Variants in EIF3B observed in about 807,000 individuals in gnomAD.
The protein encoded by EIF3B is eukaryotic translation initiation factor 3 subunit 9.
Under a neutral mutation model 104.6 loss-of-function variants are expected in EIF3B, and 10 were observed. The ratio of observed to expected loss-of-function variants is 0.10; its 90% CI spans 0.06 to 0.16. The LOEUF (loss-of-function observed/expected upper bound fraction) is 0.16. EIF3B is among the 10% of genes least tolerant of loss of function. The pLI is 1.00. For synonymous variants in EIF3B, 542 were observed against 417.2 expected, an observed-to-expected ratio of 1.30 and a Z score of -3.65; for missense variants, 1,014 against 1,087.9, an observed-to-expected ratio of 0.93 and a Z score of 0.96.
intron 15 of EIF3B, 138 bp downstream of exon 15, chr7:2,377,213 C>A: frequency 8.4e-7 from 1 of 1,194,996 alleles, no homozygotes; most frequent in Non-Finnish European, 1.1e-6. Flanking sequence ...TTTGAAGAGA[C>A]GCAGGAACAG....
At chr7:2,363,349 C>T (rs1424740636) in intron 4 of EIF3B, among the ~76,000 whole-genome samples, 4 of 151,842 alleles carry the variant, frequency 2.6e-5, no homozygotes, top group Non-Finnish European at 5.9e-5. Context: ...TTCCCAGCTA[C>T]CTGGGAGGCT....
intron 1 of EIF3B, among the ~76,000 whole-genome samples, chr7:2,356,194 A>T (rs951928151): frequency 1.3e-5 from 2 of 152,166 alleles, no homozygotes; most frequent in African/African-American, 2.4e-5. Flanking sequence ...GCCTCTGCAG[A>T]TTGGCTAAGT....
In EIF3B at chr7:2,371,770, T is replaced by A. The variant is rs776052780; in HGVS notation, c.1615-7T>A. ...AATGTCACCCCTTCCCCCTTTTTTTTAAACAGGGTGTTGTCACAAATTTTG... is the reference window on the plus strand; with the variant it reads ...AATGTCACCCCTTCCCCCTTTTTTTAAAACAGGGTGTTGTCACAAATTTTG... On this transcript the variant is annotated splice_region_variant and splice_polypyrimidine_tract_variant and intron_variant, in intron 10 of 18. Transcript: ENST00000360876. 2.5e-6 allele frequency: 4 copies of A among 1,608,940 alleles called. No individual in the cohort carries two copies. The highest frequency in any genetic ancestry group is 3.4e-6 in the Non-Finnish European group (4 of 1,175,354).
intron 13 of EIF3B, 109 bp from the exon 14 acceptor site, chr7:2,375,280 A>T: frequency 7.0e-7 from 1 of 1,426,300 alleles, no homozygotes; most frequent in Non-Finnish European, 9.8e-7. Flanking sequence ...TTTCCATGTT[A>T]ACGCCGAGGC....
chr7:2,365,651 T>TTTTG (rs200381047), intron 6 of EIF3B, among the ~76,000 whole-genome samples: 8 of 102,798 alleles, frequency 7.8e-5, no homozygotes, highest in South Asian at 2.6e-4. Flanking sequence ...GGACTTGTTT[T>TTTTG]TTTGTTTGTT....
Position 2,354,932 on chromosome 7 carries a change from C to T in EIF3B, c.11C>T (p.Ala4Val), listed in dbSNP as rs757942602. The change falls in exon 1 of 19, where the codon GCG becomes GTG. Residue 4 changes from alanine (A) to valine (V), a missense_variant. Physicochemically the swap from Ala to Val is moderately conservative, Grantham distance 64. Around this residue, in one of 4 missense-constraint regions of EIF3B, gnomAD observed 488 missense variants for 404.3 expected, o/e 1.21. Transcript: ENST00000360876. MQD[A>V]ENVAVPEAAE... ...GGCAGCGTTGGGCCCATGCAGGACG[C>T]GGAGAACGTGGCGGTGCCCGAGGCG... is the stretch of plus-strand genomic sequence containing the variant. The T allele has an allele frequency of 3.4e-5, 42 of 1,228,762 alleles. No homozygotes were observed. Among genetic ancestry groups the T allele is most frequent in the Non-Finnish European group, 4.2e-5 (41 of 977,670 alleles). 76.1% of individuals were successfully genotyped at this position (1,228,762 alleles called of 1,614,324 possible).
intron 15 of EIF3B, chr7:2,378,458 TG>T: frequency 4.6e-6 from 1 of 215,758 alleles, no homozygotes; most frequent in Non-Finnish European, 8.8e-6. Flanking sequence ...GAAGCTGTGT[TG>T]TGTGAATGAC....
rs1034836301 is a variant in EIF3B at position 2,355,380 on chromosome 7, C to T, written c.459C>T (p.Phe153=). 3.3e-6 allele frequency: 5 copies of T among 1,529,964 alleles called. No homozygotes were observed. The highest frequency in any genetic ancestry group is 1.7e-6 in the Non-Finnish European group (2 of 1,144,208). 94.8% of individuals were successfully genotyped at this position (1,529,964 alleles called of 1,614,324 possible). A position where few individuals can be genotyped will look rare whatever the true frequency, so the allele number is the denominator to read the frequency against. Residue 153 remains phenylalanine, a synonymous_variant, in exon 1 of 19, where the codon TTC becomes TTT. Coordinates refer to ENST00000360876, the MANE Select transcript of EIF3B (RefSeq NM_001037283.2). The part of the protein sequence containing the change: ...LENGDADEPS[F]SDPEDFVDDV... ...ACGGCGACGCGGACGAGCCCTCCTT[C>T]AGCGACCCCGAGGACTTCGTGGACG...
Position 2,355,156 on chromosome 7 carries a change from G to T in EIF3B, c.235G>T (p.Gly79Cys). The change falls in exon 1 of 19, where the codon GGC becomes TGC. Residue 79 changes from glycine (G) to cysteine (C), a missense_variant. By Grantham distance (159) the Gly-to-Cys change is radical. Coordinates refer to ENST00000360876, the MANE Select transcript of EIF3B (RefSeq NM_001037283.2). The stretch of plus-strand genomic sequence containing the variant: ...GGCGGCCGAGGCAGAGGCGGCCTCC[G>T]GCCCGTCCGAGTCGCCCTCGCCGCC... ...EPAAEAEAAS[G>C]PSESPSPPAA... The T allele has an allele frequency of 1.4e-6, 2 of 1,447,200 alleles. No homozygotes were observed. The highest frequency in any genetic ancestry group is 2.7e-5 in the Admixed American group (1 of 36,878). The allele number at this position is 1,447,200 out of a possible 1,614,324, so 89.6% of individuals were successfully genotyped here.
chr7:2,373,040 T>G, intron 12 of EIF3B: 1 of 335,496 alleles, frequency 3.0e-6, no homozygotes, highest in East Asian at 4.7e-5. Flanking sequence ...AAGGCTTCCA[T>G]TCTCTGCCAT....
At chr7:2,375,671 A>G in intron 14 of EIF3B, 144 bp downstream of exon 14, 1 of 1,211,346 alleles carries the variant, frequency 8.3e-7, no homozygotes, top group Non-Finnish European at 1.1e-6. Context: ...TGTTAGTGGC[A>G]GGAGGAGGAG....
intron 16 of EIF3B, 49 bp downstream of exon 16, chr7:2,378,815 T>C (rs760267371): frequency 1.3e-6 from 2 of 1,540,422 alleles, no homozygotes; most frequent in African/African-American, 1.4e-5. Flanking sequence ...TCCGCCATCA[T>C]GGCAAAGGCG....
intron 1 of EIF3B, among the ~76,000 whole-genome samples, chr7:2,359,467 G>C (rs959087680): frequency 1.3e-5 from 2 of 152,214 alleles, no homozygotes; most frequent in Admixed American, 6.5e-5. Flanking sequence ...CCATGCAGCG[G>C]AACAGGTGGA....
rs150027587 is a variant in EIF3B, at chr7:2,363,078, C to T, written c.821C>T (p.Thr274Met). 3.3e-5 allele frequency: 53 copies of T among 1,613,876 alleles called. No individual in the cohort carries two copies. Among genetic ancestry groups the T allele is most frequent in the Middle Eastern group, 3.3e-4 (2 of 6,084 alleles). ...NLFTDFDKYMTISDEWDIPEK... is the reference protein window; with the variant it reads ...NLFTDFDKYMMISDEWDIPEK... ...TCTCCTTTCTTCTCCAGGTATATGA[C>T]GATCAGTGACGAGTGGGATATTCCA... Residue 274 changes from threonine (T) to methionine (M), a missense_variant, in exon 4 of 19, where the codon ACG becomes ATG. Physicochemically the swap from Thr to Met is moderately conservative, Grantham distance 81. Transcript: ENST00000360876.
At chr7:2,363,039 G>T in intron 3 of EIF3B, 31 bp from the exon 4 acceptor site, 1 of 1,612,778 alleles carries the variant, frequency 6.2e-7, no homozygotes, top group Non-Finnish European at 8.5e-7. Context: ...TCGTCAGGGC[G>T]TGGGGCTCAG....
intron 10 of EIF3B, among the ~76,000 whole-genome samples, chr7:2,371,088 T>A (rs538948081): frequency 3.9e-5 from 6 of 152,284 alleles, no homozygotes; most frequent in African/African-American, 1.4e-4. Flanking sequence ...AATAAATGTT[T>A]TTGTCACCCT....
intron 2 of EIF3B, among the ~76,000 whole-genome samples, chr7:2,361,858 C>T (rs1227597233): frequency 1.3e-5 from 2 of 151,774 alleles, no homozygotes; most frequent in Admixed American, 1.3e-4. Context: ...CTCACTGCAA[C>T]CTCCGCCTCC....
intron 12 of EIF3B, 128 bp from the exon 13 acceptor site, chr7:2,374,400 C>T (rs1354392248): frequency 7.9e-6 from 6 of 756,782 alleles, no homozygotes; most frequent in South Asian, 5.9e-5. Flanking sequence ...AATTGTTTTC[C>T]GAGGTGGTCC....
rs1780938381 is a variant in EIF3B, at chr7:2,380,404, G to C, written c.*215G>C. 1 of 518,650 alleles carries C rather than the reference G, an allele frequency of 1.9e-6. No homozygotes were observed. 32.1% of individuals were successfully genotyped at this position (518,650 alleles called of 1,614,324 possible). A position where few individuals can be genotyped will look rare whatever the true frequency, so the allele number is the denominator to read the frequency against. ...GATTCTGCCATTGCGACACATTTTT[G>C]TGCCTTTCAGCCCCTGGTGTCTGCA... On this transcript the variant is annotated 3_prime_UTR_variant, in exon 19 of 19. Coordinates refer to ENST00000360876, the MANE Select transcript of EIF3B (RefSeq NM_001037283.2).
Sources: allele counts gnomAD v4.1 joint callset (sites outside exome capture counted in the v4.1 genomes callset), GRCh38; gene constraint gnomAD v4.1.1; regional missense constraint gnomAD v4.1.1; transcripts MANE v1.5; gene names NCBI Gene and HGNC (gene_info 2026-07-23, HGNC 2026-07-21).